The following DIAPH2 variants were observed in gnomAD, a reference collection of about 807,000 sequenced individuals.
DIAPH2 encodes the protein protein diaphanous homolog 2.
In DIAPH2, 35 loss-of-function variants were observed where a neutral mutation model predicts 92.7. That is an observed-to-expected ratio of 0.38 (90% CI 0.29 to 0.50). The LOEUF (loss-of-function observed/expected upper bound fraction) is 0.50. Among genes scored for constraint, DIAPH2 ranks in the 20% least tolerant of loss-of-function variants. The probability of loss-of-function intolerance (pLI) is 0.94; values close to 1 mark genes in which losing one functional copy is unlikely to be tolerated. For missense variants in DIAPH2, 701 were observed against 819.5 expected, an observed-to-expected ratio of 0.86 and a Z score of 1.77; for synonymous variants, 301 against 280.4, an observed-to-expected ratio of 1.07 and a Z score of -0.73.
At chrX:96,770,293 A>G (rs2064330599) in intron 4 of DIAPH2, among the ~76,000 whole-genome samples, 1 of 111,585 alleles carries the variant, frequency 9.0e-6, no homozygotes, top group African/African-American at 3.3e-5. Flanking sequence ...TGATAGTAAT[A>G]TACCTAAAAT....
intron 4 of DIAPH2, among the ~76,000 whole-genome samples, chrX:96,785,222 G>T (rs142881206): frequency 9.9e-5 from 11 of 111,432 alleles, no homozygotes; most frequent in Non-Finnish European, 1.7e-4. Flanking sequence ...TGAAAGGGAA[G>T]AGTAAGAGTT....
intron 26 of DIAPH2, among the ~76,000 whole-genome samples, chrX:97,525,398 G>A (rs2071018189): frequency 1.8e-5 from 2 of 111,789 alleles, no homozygotes; most frequent in South Asian, 3.8e-4. Flanking sequence ...AACTCAATTC[G>A]GCCCCATCAC....
chrX:97,273,921 A>T (rs2068412014), intron 23 of DIAPH2, among the ~76,000 whole-genome samples: 1 of 110,512 alleles, frequency 9.0e-6, no homozygotes, highest in South Asian at 3.9e-4. Context: ...CCCAGGCAGA[A>T]GTAGAAGTGG....
At chrX:97,145,634 T>A (rs770643872) in intron 22 of DIAPH2, among the ~76,000 whole-genome samples, 1 of 110,713 alleles carries the variant, frequency 9.0e-6, no homozygotes, top group East Asian at 2.8e-4. Context: ...TTCCTGCCAG[T>A]GTATTCAAAA....
At chrX:97,276,502 A>G (rs2068453362) in intron 23 of DIAPH2, among the ~76,000 whole-genome samples, 1 of 111,100 alleles carries the variant, frequency 9.0e-6, no homozygotes, top group African/African-American at 3.3e-5. Context: ...TTGCACTTCT[A>G]AGAGATGGAA....
At chrX:97,542,716 C>T (rs181519745) in intron 26 of DIAPH2, among the ~76,000 whole-genome samples, 1 of 111,621 alleles carries the variant, frequency 9.0e-6, no homozygotes, top group East Asian at 2.8e-4. Flanking sequence ...ATCCAATTCA[C>T]TTCCCTGACA....
intron 4 of DIAPH2, among the ~76,000 whole-genome samples, chrX:96,782,631 G>A (rs1435311887): frequency 2.7e-5 from 3 of 110,828 alleles, no homozygotes; most frequent in East Asian, 2.9e-4. Flanking sequence ...ATGGGGTTTC[G>A]CCATGTTGCC....
rs1276798923 is a variant in DIAPH2, at chrX:96,703,885, A to G, written c.132+18695A>G. On this transcript the variant is annotated intron_variant, in intron 1 of 26. Transcript: ENST00000324765. ...TCAAGTCCCCTACTTAAGATAATTC[A>G]CTTAAATAAGTGGAATTTTTATTAA... Among the ~76,000 whole-genome samples the G allele has an allele frequency of 3.6e-5, 4 of 111,884 alleles. No homozygotes were observed. In the Admixed American group the frequency reaches 3.8e-4, roughly 11 times the overall value.
At chrX:97,510,390 T>C (rs2147836563) in intron 26 of DIAPH2, among the ~76,000 whole-genome samples, 1 of 111,911 alleles carries the variant, frequency 8.9e-6, no homozygotes, top group South Asian at 3.7e-4. Flanking sequence ...TTTGAGTTCA[T>C]TGTAGATTCT....
chrX:97,253,293 A>AAAAAAAAAAAAAAT (rs748186406), intron 23 of DIAPH2, among the ~76,000 whole-genome samples: 4 of 91,755 alleles, frequency 4.4e-5, no homozygotes, highest in African/African-American at 1.2e-4. Context: ...CTCCGTAAAA[A>AAAAAAAAAAAAAAT]AAAATAAAAT....
chrX:97,220,384 AAAAG>A (rs1245718369), intron 22 of DIAPH2, among the ~76,000 whole-genome samples: 2 of 111,121 alleles, frequency 1.8e-5, no homozygotes, highest in Admixed American at 9.6e-5. Flanking sequence ...AAAAAAAAGA[AAAAG>A]AAATCTCAGA....
At chrX:97,364,757 G>GTTTTTTTTTT (rs2069361889) in intron 24 of DIAPH2, among the ~76,000 whole-genome samples, 1 of 67,500 alleles carries the variant, frequency 1.5e-5, no homozygotes. Flanking sequence ...ATGTCTCCTG[G>GTTTTTTTTTT]TGTTTTTTTT....
At chrX:97,548,560 T>C (rs2071198126) in intron 26 of DIAPH2, among the ~76,000 whole-genome samples, 2 of 112,352 alleles carry the variant, frequency 1.8e-5, no homozygotes, top group South Asian at 7.3e-4. Flanking sequence ...TTTAATTGAA[T>C]GTACAATGAT....
chrX:97,173,497 A>G, intron 22 of DIAPH2, among the ~76,000 whole-genome samples: 1 of 112,499 alleles, frequency 8.9e-6, no homozygotes, highest in Non-Finnish European at 1.9e-5. Context: ...ATTCCTAAAT[A>G]TGAGTGTTCC....
chrX:96,783,380 G>C, intron 4 of DIAPH2, among the ~76,000 whole-genome samples: 1 of 112,453 alleles, frequency 8.9e-6, no homozygotes, highest in Non-Finnish European at 1.9e-5. Context: ...AAAAAACTAA[G>C]AGACCAAGAA....
At chrX:97,464,115 A>G (rs1015957727) in intron 26 of DIAPH2, among the ~76,000 whole-genome samples, 4 of 108,431 alleles carry the variant, frequency 3.7e-5, no homozygotes, top group Non-Finnish European at 7.6e-5. Flanking sequence ...ATAGGAAACA[A>G]CAGTGAGACC....
chrX:96,886,398 A>G (rs1294118307), intron 5 of DIAPH2, among the ~76,000 whole-genome samples: 1 of 110,853 alleles, frequency 9.0e-6, no homozygotes, highest in Non-Finnish European at 1.9e-5. Context: ...AACAAAAAAA[A>G]AATCTCTTAA....
rs1924452725 is a variant in DIAPH2, at chrX:97,600,577, ATAAAT to A, written c.*1263_*1267del. 8.9e-6 allele frequency: 1 copy of A among 112,480 alleles called. No individual in the cohort carries two copies. The highest frequency in any genetic ancestry group is 3.7e-4 in the South Asian group (1 of 2,714). The allele number at this position is 112,480 out of a possible 1,213,427, so 9.3% of individuals were successfully genotyped here. On this transcript the variant is annotated 3_prime_UTR_variant, in exon 27 of 27. Coordinates refer to ENST00000324765, the MANE Select transcript of DIAPH2 (RefSeq NM_006729.5). ...AAAACAGGTTCTACATTTTTCTTAA[ATAAAT>A]TAGGGAGTAAAAGTTATACTTAACT...
chrX:97,068,680 C>G (rs770760624), intron 17 of DIAPH2, among the ~76,000 whole-genome samples: 2 of 111,631 alleles, frequency 1.8e-5, no homozygotes, highest in Non-Finnish European at 3.8e-5. Flanking sequence ...ATATTTCAAC[C>G]AATATGTTAA....
Sources: gnomAD v4.1 joint callset for allele counts (sites outside exome capture counted in the v4.1 genomes callset) on GRCh38, gnomAD v4.1.1 for gene constraint, MANE v1.5 for transcripts, NCBI Gene and HGNC (gene_info 2026-07-23, HGNC 2026-07-21) for gene names.